Variants in SLC22A5 observed in about 807,000 individuals in gnomAD.
The protein encoded by SLC22A5 is solute carrier family 22 member 5, also known as organic cation/carnitine transporter 2.
In SLC22A5, 44 loss-of-function variants were observed where a neutral mutation model predicts 56.7. The observed-to-expected ratio is 0.78, with a 90% confidence interval of 0.61 to 1.00. The LOEUF is 1.00. SLC22A5 is among the 50% of genes least tolerant of loss of function. SLC22A5 has a pLI of 0.00. For synonymous variants in SLC22A5, 278 were observed against 292.1 expected (o/e 0.95, Z 0.49); for missense variants, 675 against 723.0 (o/e 0.93, Z 0.76).
In SLC22A5 at chr5:132,370,129, C is replaced by T; in HGVS notation, c.157C>T (p.Pro53Ser). ...GACCCCGGAGCACCGCTGCCGGGTG[C>T]CGGACGCCGCGAACCTGAGCAGCGC... ...IATPEHRCRV[P>S]DAANLSSAWR... The change falls in exon 1 of 10, where the codon CCG (proline) becomes TCG (serine). Residue 53 changes from proline (P) to serine (S), a missense_variant. Pro to Ser is a moderately conservative substitution (Grantham distance 74). Coordinates refer to ENST00000245407, the MANE Select transcript of SLC22A5 (RefSeq NM_003060.4). The T allele has an allele frequency of 6.2e-7, 1 of 1,610,404 alleles. No individual in the cohort carries two copies. Among genetic ancestry groups the T allele is most frequent in the African/African-American group, 1.3e-5 (1 of 75,022 alleles).
rs1431971523 is a variant in SLC22A5, at chr5:132,387,151, G to A, written c.951G>A (p.Glu317=). Residue 317 remains glutamate, a splice_region_variant and synonymous_variant, in exon 5 of 10, where the codon GAG becomes GAA. Transcript: ENST00000245407. The part of the protein sequence containing the change: ...VVPSTIFDPS[E]LQDLSSKKQQ... ...CTTCCACTATCTTTGACCCGAGTGA[G>A]GTAAGCACCATGTGGGTGTGGGTGA... 1.7e-5 allele frequency: 27 copies of A among 1,614,034 alleles called. No homozygotes were observed. Among genetic ancestry groups the A allele is most frequent in the Non-Finnish European group, 2.0e-5 (24 of 1,180,036 alleles).
chr5:132,392,559 T>G lies in SLC22A5; in HGVS notation c.1394T>G (p.Val465Gly), dbSNP rs917270911. Reference protein sequence around the residue: ...PTVVRNMGVGVSSTASRLGSI... With the variant: ...PTVVRNMGVGGSSTASRLGSI... ...GTGGTGAGAAACATGGGTGTGGGAG[T>G]CAGCTCCACAGCATCCCGCCTGGGC... The change falls in exon 8 of 10, where the codon GTC becomes GGC. Residue 465 changes from valine (V) to glycine (G), a missense_variant. By Grantham distance (109) the Val-to-Gly change is moderately radical. Transcript: ENST00000245407. 3.1e-6 allele frequency: 5 copies of G among 1,613,980 alleles called. No homozygotes were observed. In the Admixed American group the frequency reaches 6.7e-5, roughly 22 times the overall value.
chr5:132,374,741 G>A (rs941758925), intron 1 of SLC22A5, among the ~76,000 whole-genome samples: 1 of 146,938 alleles, frequency 6.8e-6, no homozygotes. Flanking sequence ...TTGACACAAA[G>A]CAGGGGGTCA....
At position 132,393,730 on chromosome 5, in the gene SLC22A5, C is replaced by T. The variant is rs750468729; in HGVS notation, c.1505C>T (p.Thr502Ile). The T allele has an allele frequency of 6.2e-7, 1 of 1,614,188 alleles. No individual in the cohort carries two copies. The highest frequency in any genetic ancestry group is 2.2e-5 in the East Asian group (1 of 44,886). ...CTCATGGGAAGTCTGACCATCCTGA[C>T]AGCCATCCTCACCTTGTTTCTCCCA... is the stretch of plus-strand genomic sequence containing the variant. ...YILMGSLTIL[T>I]AILTLFLPES... Residue 502 changes from threonine to isoleucine, a missense_variant, in exon 9 of 10, where the codon ACA (threonine) becomes ATA (isoleucine). Thr to Ile is a moderately conservative substitution (Grantham distance 89). Transcript: ENST00000245407.
At chr5:132,383,627 G>C (rs1752423069) in intron 2 of SLC22A5, 2 of 187,142 alleles carry the variant, frequency 1.1e-5, no homozygotes, top group South Asian at 2.1e-4. Flanking sequence ...TCCATTGGGG[G>C]CTATAAATGG....
At chr5:132,376,308 AG>A (rs1472892217) in intron 1 of SLC22A5, 3 of 152,358 alleles carry the variant, frequency 2.0e-5, no homozygotes, top group African/African-American at 4.8e-5. Flanking sequence ...AGAGTTGTCA[AG>A]GGCGGTCAGT....
rs1339356646 is a variant in SLC22A5 at position 132,394,452 on chromosome 5, C to T, written c.*180C>T. 6.7e-5 allele frequency: 43 copies of T among 641,384 alleles called. No individual in the cohort carries two copies. The highest frequency in any genetic ancestry group is 1.1e-4 in the Non-Finnish European group (38 of 355,754). 39.7% of individuals were successfully genotyped at this position (641,384 alleles called of 1,614,324 possible). A position where few individuals can be genotyped will look rare whatever the true frequency, so the allele number is the denominator to read the frequency against. On this transcript the variant is annotated 3_prime_UTR_variant, in exon 10 of 10. Coordinates refer to ENST00000245407, the MANE Select transcript of SLC22A5 (RefSeq NM_003060.4). The stretch of plus-strand genomic sequence containing the variant: ...AGAGGCTACATATGGCCCTAGAGCA[C>T]CACCTTCCTCTAGGGACACTGGGGC...
intron 1 of SLC22A5, among the ~76,000 whole-genome samples, chr5:132,374,074 T>A (rs2126770669): frequency 6.6e-6 from 1 of 151,922 alleles, no homozygotes; most frequent in African/African-American, 2.4e-5. Context: ...AAATTAGCCC[T>A]GCGTGGTGGT....
At chr5:132,379,513 T>G (rs1207680447) in intron 2 of SLC22A5, 1 of 151,772 alleles carries the variant, frequency 6.6e-6, no homozygotes, top group African/African-American at 2.4e-5. Flanking sequence ...AAAAGGAGTT[T>G]CACTCTTGTT....
At chr5:132,380,058 C>G (rs1258162422) in intron 2 of SLC22A5, 4 of 152,256 alleles carry the variant, frequency 2.6e-5, no homozygotes, top group African/African-American at 4.8e-5. Flanking sequence ...GTAAGAGATA[C>G]AGAGAAGTGC....
At chr5:132,378,604 A>G (rs1243054183) in intron 2 of SLC22A5, 123 bp downstream of exon 2, 2 of 794,368 alleles carry the variant, frequency 2.5e-6, no homozygotes, top group Non-Finnish European at 4.5e-6. Flanking sequence ...AAAGAAGAGG[A>G]AGCTATGTCT....
At chr5:132,384,367 T>C in intron 3 of SLC22A5, 66 bp downstream of exon 3, 1 of 1,507,458 alleles carries the variant, frequency 6.6e-7, no homozygotes, top group African/African-American at 1.4e-5. Flanking sequence ...TCACCTACCT[T>C]TCTGGAGACA....
intron 4 of SLC22A5, 78 bp from the exon 5 acceptor site, chr5:132,386,947 C>A (rs909711443): frequency 9.4e-6 from 14 of 1,485,824 alleles, no homozygotes; most frequent in East Asian, 6.8e-5. Context: ...TTATTCCCAC[C>A]TATGGCTGTG....
intron 5 of SLC22A5, among the ~76,000 whole-genome samples, chr5:132,388,295 CTG>C (rs982473330): frequency 3.3e-5 from 5 of 152,162 alleles, no homozygotes; most frequent in Admixed American, 3.3e-4. Flanking sequence ...ACTTCTAACT[CTG>C]GAAAAACAAG....
In SLC22A5 at chr5:132,384,063, G is replaced by A. The variant is rs149950115; in HGVS notation, c.498-84G>A. The stretch of plus-strand genomic sequence containing the variant: ...ACTGTTCACACCCACTTACTGGATG[G>A]ATCTTGAGAAAGCCCCACTTGGTGG... On this transcript the variant is annotated intron_variant, in intron 2 of 9. Transcript: ENST00000245407. 7.2e-3 allele frequency: 9,799 copies of A among 1,367,592 alleles called. 108 individuals are homozygous for A. The highest frequency in any genetic ancestry group is 0.033 in the South Asian group (2,801 of 85,920). 84.7% of individuals were successfully genotyped at this position (1,367,592 alleles called of 1,614,324 possible).
chr5:132,388,597 G>A lies in SLC22A5; in HGVS notation c.952-324G>A, dbSNP rs543578056. Among the ~76,000 whole-genome samples the A allele has an allele frequency of 5.9e-5, 9 of 152,228 alleles. No individual in the cohort carries two copies. The East Asian group carries it at 1.7e-3, about 29-fold the overall frequency. ...CAGGCTTCGGGAGGAATACTTAGAGGCCTCCTTGGAATGTGGCCACCGACA... is the reference window on the plus strand; with the variant it reads ...CAGGCTTCGGGAGGAATACTTAGAGACCTCCTTGGAATGTGGCCACCGACA... On this transcript the variant is annotated intron_variant, in intron 5 of 9. Coordinates refer to ENST00000245407, the MANE Select transcript of SLC22A5 (RefSeq NM_003060.4).
rs1006955114 is a variant in SLC22A5 at position 132,369,728 on chromosome 5, C to G, written c.-245C>G. ...CAGCTCCGCCTTCGCCGGCGCCGCTCTGCCTGCCAGCGGGGCGCGCCTTGC... is the reference window on the plus strand; with the variant it reads ...CAGCTCCGCCTTCGCCGGCGCCGCTGTGCCTGCCAGCGGGGCGCGCCTTGC... On this transcript the variant is annotated 5_prime_UTR_variant, in exon 1 of 10. Transcript: ENST00000245407. 4 of 464,022 alleles carry G rather than the reference C, an allele frequency of 8.6e-6. No individual in the cohort carries two copies. The highest frequency in any genetic ancestry group is 1.1e-5 in the Non-Finnish European group (3 of 273,556). The allele number at this position is 464,022 out of a possible 1,614,324, so 28.7% of individuals were successfully genotyped here.
At position 132,370,349 on chromosome 5, in the gene SLC22A5, C is replaced by A. The variant is rs568906114; in HGVS notation, c.377C>A (p.Ser126Tyr). 52 of 1,612,328 alleles carry A rather than the reference C, an allele frequency of 3.2e-5. No homozygotes were observed. The highest frequency in any genetic ancestry group is 1.6e-4 in the Middle Eastern group (1 of 6,062). ...GAGTTCAGTCAGGACGTCTACCTGT[C>A]CACCATTGTGACCGAGGTGGGTGCC... ...GWEFSQDVYL[S>Y]TIVTEWNLVC... is the part of the protein sequence containing the mutation. Residue 126 changes from serine (S) to tyrosine (Y), a missense_variant, in exon 1 of 10, where the codon TCC becomes TAC. Physicochemically the swap from Ser to Tyr is moderately radical, Grantham distance 144. Coordinates refer to ENST00000245407, the MANE Select transcript of SLC22A5 (RefSeq NM_003060.4).
At chr5:132,373,936 C>T (rs888800868) in intron 1 of SLC22A5, among the ~76,000 whole-genome samples, 3 of 150,648 alleles carry the variant, frequency 2.0e-5, no homozygotes, top group Admixed American at 1.3e-4. Context: ...GAGAAACTTC[C>T]GGCTGGGTGT....
Sources: allele counts gnomAD v4.1 joint callset (sites outside exome capture counted in the v4.1 genomes callset), GRCh38; gene constraint gnomAD v4.1.1; transcripts MANE v1.5; gene names NCBI Gene and HGNC (gene_info 2026-07-23, HGNC 2026-07-21).